GATAD2A: variants seen among roughly 807,000 people sequenced by gnomAD.
GATAD2A encodes transcriptional repressor p66-alpha.
Under a neutral mutation model 68.5 loss-of-function variants are expected in GATAD2A, and 12 were observed. That is an observed-to-expected ratio of 0.18 (90% CI 0.11 to 0.28). The LOEUF is 0.28. GATAD2A is among the 10% of genes least tolerant of loss of function. The pLI is 1.00. For synonymous variants in GATAD2A, 410 were observed against 375.3 expected (o/e 1.09, Z -1.07); for missense variants, 755 against 868.5 (o/e 0.87, Z 1.64).
At chr19:19,465,141 C>T (rs1218679456) in intron 1 of GATAD2A, among the ~76,000 whole-genome samples, 199 bp from the exon 2 acceptor site, 1 of 152,208 alleles carries the variant, frequency 6.6e-6, no homozygotes, top group Non-Finnish European at 1.5e-5. Flanking sequence ...GCTGGGGACA[C>T]CCCCCTCCTG....
chr19:19,473,805 G>A (rs2058483582), intron 2 of GATAD2A, among the ~76,000 whole-genome samples: 1 of 151,652 alleles, frequency 6.6e-6, no homozygotes, highest in Non-Finnish European at 1.5e-5. Flanking sequence ...AATTAGCCGG[G>A]CGTAGTGGTG....
At chr19:19,404,078 G>A (rs1187059994), upstream of GATAD2A, among the ~76,000 whole-genome samples, 1 of 152,044 alleles carries the variant, frequency 6.6e-6, no homozygotes, top group Non-Finnish European at 1.5e-5. Flanking sequence ...CCTAGGGGAG[G>A]TTGTGCCAGA....
Position 19,507,593 on chromosome 19 carries a change from C to G in GATAD2A, c.*2119C>G, listed in dbSNP as rs1286276856. On this transcript the variant is annotated 3_prime_UTR_variant, in exon 12 of 12. Coordinates refer to ENST00000683918, the MANE Select transcript of GATAD2A (RefSeq NM_001384528.1). ...CGGCCCCCAGCCCCAGCTCCAGCTC[C>G]TGACCTCTCCCAGCCTGGCCTGGCT... The G allele has an allele frequency of 6.5e-6, 1 of 152,784 alleles. No individual in the cohort carries two copies. The highest frequency in any genetic ancestry group is 6.5e-5 in the Admixed American group (1 of 15,292). The allele number at this position is 152,784 out of a possible 1,614,324, so 9.5% of individuals were successfully genotyped here.
At chr19:19,440,966 C>T (rs1158081995) in intron 1 of GATAD2A, among the ~76,000 whole-genome samples, 2 of 71,034 alleles carry the variant, frequency 2.8e-5, no homozygotes, top group African/African-American at 1.1e-4. Context: ...TTCTTCCTTC[C>T]CTTTCCTTCC....
At chr19:19,392,456 G>A (rs1271460688) in intron 1 of GATAD2A, among the ~76,000 whole-genome samples, 9 of 149,560 alleles carry the variant, frequency 6.0e-5, no homozygotes, top group Non-Finnish European at 1.3e-4. Flanking sequence ...GCAGTGGTGC[G>A]ATCTTGGCTC....
At position 19,498,474 on chromosome 19, in the gene GATAD2A, C is replaced by G; in HGVS notation, c.956C>G (p.Ala319Gly). 6.2e-7 allele frequency: 1 copy of G among 1,609,990 alleles called. No homozygotes were observed. The highest frequency in any genetic ancestry group is 8.5e-7 in the Non-Finnish European group (1 of 1,176,590). The change falls in exon 8 of 12, where the codon GCC becomes GGC. Residue 319 changes from alanine (A) to glycine (G), a missense_variant. Transcript: ENST00000683918. The stretch of plus-strand genomic sequence containing the variant: ...CCAGCATCACTGAAGGGGACAACAG[C>G]CACCTCCGCTCAGGCCAACTCCACC... Reference protein sequence around the residue: ...PTPASLKGTTATSAQANSTPT... With the variant: ...PTPASLKGTTGTSAQANSTPT...
Position 19,406,451 on chromosome 19 carries a change from CGCGGCGGCG to C in GATAD2A, c.-7+452_-7+460del, listed in dbSNP as rs535696257. ...CGGGTTGGGCAGCAACGCTGAACCC[CGCGGCGGCG>C]GCGGCGGCGGCGGCGGCGGATCCCG... On this transcript the variant is annotated intron_variant, in intron 1 of 11. Coordinates refer to ENST00000683918, the MANE Select transcript of GATAD2A (RefSeq NM_001384528.1). Among the ~76,000 whole-genome samples the C allele has an allele frequency of 1.1e-3, 160 of 147,214 alleles. 1 individual carries two copies. The highest frequency in any genetic ancestry group is 3.5e-3 in the Middle Eastern group (1 of 288).
intron 1 of GATAD2A, among the ~76,000 whole-genome samples, chr19:19,429,724 G>A (rs557009717): frequency 1.8e-4 from 28 of 152,046 alleles, no homozygotes; most frequent in African/African-American, 6.5e-4. Context: ...TCACCCTAAT[G>A]GGAAGCTCAG....
chr19:19,466,033 G>A (rs957705441), intron 2 of GATAD2A, among the ~76,000 whole-genome samples: 1 of 152,210 alleles, frequency 6.6e-6, no homozygotes, highest in African/African-American at 2.4e-5. Flanking sequence ...CACTTGGCTA[G>A]GGATAGAGTT....
rs549004068 is a variant in GATAD2A at position 19,392,984 on chromosome 19, C to T, written c.-7+6846C>T. Among the ~76,000 whole-genome samples the T allele has an allele frequency of 7.2e-5, 11 of 152,234 alleles. No homozygotes were observed. The South Asian group carries it at 2.1e-3, about 29-fold the overall frequency. On this transcript the variant is annotated intron_variant, in intron 1 of 11. Coordinates refer to the GATAD2A transcript ENST00000360315. ...TGTTGGGATTACAGGCGTGAGCCAC[C>T]GTGCCTGGCCAGTTTATTCTTTTAA...
At chr19:19,392,692 G>GTTTTT in intron 1 of GATAD2A, among the ~76,000 whole-genome samples, 1 of 131,520 alleles carries the variant, frequency 7.6e-6, no homozygotes, top group Non-Finnish European at 1.6e-5. Flanking sequence ...GTCCGGTCAA[G>GTTTTT]TTTTTTTTTT....
chr19:19,492,263 A>G (rs914365247), intron 2 of GATAD2A, 43 bp from the exon 3 acceptor site: 2 of 1,573,000 alleles, frequency 1.3e-6, no homozygotes, highest in African/African-American at 1.4e-5. Context: ...CACTGGGTCC[A>G]GCTGTCAAGG....
intron 1 of GATAD2A, among the ~76,000 whole-genome samples, chr19:19,416,860 C>T (rs924985860): frequency 3.3e-5 from 5 of 151,830 alleles, no homozygotes; most frequent in African/African-American, 1.2e-4. Flanking sequence ...CTCCAGGGTC[C>T]AAGCGATTCT....
chr19:19,469,784 T>G (rs1468703075), intron 2 of GATAD2A, among the ~76,000 whole-genome samples: 1 of 151,856 alleles, frequency 6.6e-6, no homozygotes, highest in African/African-American at 2.4e-5. Context: ...CCGTCTCTAC[T>G]AAAAATACAA....
intron 2 of GATAD2A, among the ~76,000 whole-genome samples, chr19:19,469,321 A>G (rs2148066492): frequency 6.6e-6 from 1 of 151,588 alleles, no homozygotes. Context: ...AGTCCCAGCT[A>G]CTTGGGAGGC....
At chr19:19,471,710 G>A (rs921387383) in intron 2 of GATAD2A, among the ~76,000 whole-genome samples, 1 of 152,060 alleles carries the variant, frequency 6.6e-6, no homozygotes, top group East Asian at 1.9e-4. Flanking sequence ...TTAAATGAAG[G>A]TTAAAATAGT....
intron 1 of GATAD2A, among the ~76,000 whole-genome samples, chr19:19,438,354 A>C (rs2054605862): frequency 6.6e-6 from 1 of 152,068 alleles, no homozygotes; most frequent in South Asian, 2.1e-4. Context: ...CAAGTGATCT[A>C]CCTCAGTCTC....
In GATAD2A at chr19:19,394,903, C is replaced by A. The variant is rs554489392; in HGVS notation, c.-7+8765C>A. 4.6e-5 allele frequency among the ~76,000 whole-genome samples: 7 copies of A among 152,266 alleles called. No individual in the cohort carries two copies. The East Asian group carries it at 1.2e-3, about 25-fold the overall frequency. ...GGCGGGATATTCATTTTGGGCACAGCCTCGAGGGCAAGAGGGAGGGTGTTA... is the reference window on the plus strand; with the variant it reads ...GGCGGGATATTCATTTTGGGCACAGACTCGAGGGCAAGAGGGAGGGTGTTA... On this transcript the variant is annotated intron_variant, in intron 1 of 11. Coordinates refer to the GATAD2A transcript ENST00000360315.
intron 1 of GATAD2A, among the ~76,000 whole-genome samples, chr19:19,447,104 C>CA (rs1167666299): frequency 1.3e-5 from 2 of 152,126 alleles, no homozygotes; most frequent in Admixed American, 1.3e-4. Flanking sequence ...AGCCCACAAA[C>CA]AGAGAGGTGA....
Sources: gnomAD v4.1 joint callset for allele counts (sites outside exome capture counted in the v4.1 genomes callset) on GRCh38, gnomAD v4.1.1 for gene constraint, MANE v1.5 for transcripts, NCBI Gene and HGNC (gene_info 2026-07-23, HGNC 2026-07-21) for gene names.